Variants in DGKB observed in about 807,000 individuals in gnomAD.
DGKB encodes 90 kDa diacylglycerol kinase.
In DGKB, 67 loss-of-function variants were observed where a neutral mutation model predicts 114.3. The observed-to-expected ratio is 0.59, with a 90% confidence interval of 0.48 to 0.72. DGKB has a LOEUF of 0.72. Ranked by LOEUF, DGKB falls within the 30% of genes least tolerant of loss-of-function variation. The pLI is 0.00. For missense variants in DGKB, 907 were observed against 975.2 expected (o/e 0.93, Z 0.93); for synonymous variants, 398 against 323.1 (o/e 1.23, Z -2.49).
At position 14,146,873 on chromosome 7, in the gene DGKB, GTTTAA is replaced by G. The variant is rs1781532229; in HGVS notation, c.*2253_*2257del. On this transcript the variant is annotated 3_prime_UTR_variant, in exon 26 of 26. Transcript: ENST00000402815. ...ATCATTGAAATCTTATAAGCAGGTT[GTTTAA>G]TTTGTCTCATCCCACTGTCTATCCA... is the stretch of plus-strand genomic sequence containing the variant. 6.6e-6 allele frequency: 1 copy of G among 152,078 alleles called. No individual in the cohort carries two copies. The highest frequency in any genetic ancestry group is 1.5e-5 in the Non-Finnish European group (1 of 67,986). 9.4% of individuals were successfully genotyped at this position (152,078 alleles called of 1,614,324 possible).
intron 20 of DGKB, among the ~76,000 whole-genome samples, chr7:14,558,058 AAC>A (rs1478921775): frequency 6.6e-6 from 1 of 151,002 alleles, no homozygotes; most frequent in Non-Finnish European, 1.5e-5. Flanking sequence ...CTTATCGGGA[AAC>A]ACATCTCCAC....
chr7:14,291,142 C>CAAAAA (rs373171858), intron 23 of DGKB, among the ~76,000 whole-genome samples: 6 of 86,318 alleles, frequency 7.0e-5, no homozygotes, highest in Middle Eastern at 7.2e-3. Flanking sequence ...AACTCCGTCT[C>CAAAAA]AAAAAAAAAA....
In DGKB at chr7:14,170,971, T is replaced by G. The variant is rs142232524; in HGVS notation, c.2304+5868A>C. On this transcript the variant is annotated intron_variant, in intron 25 of 25. Transcript: ENST00000402815. The stretch of plus-strand genomic sequence containing the variant: ...AGTCAGAAAATAGCATCTCATGGAA[T>G]GGGTCACACAGTAGAAGTCTGGGCA... Among the ~76,000 whole-genome samples the G allele has an allele frequency of 2.8e-3, 424 of 152,188 alleles. 2 individuals are homozygous for G. The highest frequency in any genetic ancestry group is 9.9e-3 in the African/African-American group (409 of 41,522).
intron 1 of DGKB, among the ~76,000 whole-genome samples, chr7:14,861,217 A>G (rs1020551303): frequency 6.6e-6 from 1 of 151,984 alleles, no homozygotes; most frequent in African/African-American, 2.4e-5. Flanking sequence ...CATATTCTCT[A>G]AACTTGAGGC....
At chr7:14,312,146 A>G (rs1805491338) in intron 23 of DGKB, among the ~76,000 whole-genome samples, 1 of 152,222 alleles carries the variant, frequency 6.6e-6, no homozygotes, top group Non-Finnish European at 1.5e-5. Context: ...AACAAAAAGA[A>G]TACACTTATA....
At chr7:14,154,100 A>C (rs1393851152) in intron 25 of DGKB, among the ~76,000 whole-genome samples, 1 of 151,906 alleles carries the variant, frequency 6.6e-6, no homozygotes, top group Non-Finnish European at 1.5e-5. Flanking sequence ...GCTAGACAGA[A>C]ACCTAAAGAG....
chr7:14,574,082 G>A, intron 20 of DGKB, 130 bp downstream of exon 20: 1 of 658,564 alleles, frequency 1.5e-6, no homozygotes, highest in Non-Finnish European at 2.5e-6. Context: ...TTGCCTATTA[G>A]AAGAGATGTT....
At chr7:14,316,350 T>C (rs1252738758) in intron 23 of DGKB, among the ~76,000 whole-genome samples, 3 of 134,514 alleles carry the variant, frequency 2.2e-5, no homozygotes, top group African/African-American at 5.8e-5. Flanking sequence ...CAGGAGCTGG[T>C]TTTTTGAAAG....
At chr7:14,499,170 G>A (rs189329119) in intron 20 of DGKB, among the ~76,000 whole-genome samples, 1 of 151,734 alleles carries the variant, frequency 6.6e-6, no homozygotes, top group Admixed American at 6.6e-5. Flanking sequence ...GTAGTAAAAT[G>A]TAGCAAATAG....
chr7:14,260,731 G>A (rs1006643230), intron 23 of DGKB, among the ~76,000 whole-genome samples: 1 of 152,140 alleles, frequency 6.6e-6, no homozygotes, highest in African/African-American at 2.4e-5. Context: ...GGTTTAAGTA[G>A]AGCTACTTAA....
chr7:14,453,480 C>A (rs777621776), intron 21 of DGKB, among the ~76,000 whole-genome samples: 1 of 152,116 alleles, frequency 6.6e-6, no homozygotes, highest in African/African-American at 2.4e-5. Context: ...ATCTCAGTTT[C>A]TCCACCAAGG....
chr7:14,541,122 T>A (rs1166073400), intron 20 of DGKB, among the ~76,000 whole-genome samples: 1 of 151,830 alleles, frequency 6.6e-6, no homozygotes, highest in African/African-American at 2.4e-5. Context: ...TTTTTTTTTC[T>A]AGACACATTC....
chr7:14,642,511 G>T (rs1423556762), intron 13 of DGKB, among the ~76,000 whole-genome samples: 1 of 152,116 alleles, frequency 6.6e-6, no homozygotes. Context: ...TTGCAATATT[G>T]TTTAGGTACT....
chr7:14,226,924 A>T (rs770257854), intron 23 of DGKB, among the ~76,000 whole-genome samples: 3 of 151,988 alleles, frequency 2.0e-5, no homozygotes, highest in African/African-American at 7.2e-5. Context: ...TATCTATTTA[A>T]TGGGGGTCTC....
chr7:14,926,974 G>A (rs557474267), intron 1 of DGKB, among the ~76,000 whole-genome samples: 10 of 151,980 alleles, frequency 6.6e-5, no homozygotes, highest in South Asian at 2.1e-4. Context: ...CTGAGCTTTC[G>A]GTTTTGAAAT....
intron 20 of DGKB, among the ~76,000 whole-genome samples, chr7:14,506,466 C>T (rs979092578): frequency 2.0e-5 from 3 of 152,128 alleles, no homozygotes; most frequent in Admixed American, 6.6e-5. Context: ...TTTCTGTACA[C>T]TGGCAGAGAA....
intron 20 of DGKB, among the ~76,000 whole-genome samples, chr7:14,542,081 T>C (rs1223838731): frequency 1.3e-5 from 2 of 152,150 alleles, no homozygotes; most frequent in East Asian, 3.8e-4. Flanking sequence ...ACACCATTCC[T>C]TTTAAGTGAT....
chr7:14,173,962 T>A (rs1320937661), intron 25 of DGKB, among the ~76,000 whole-genome samples: 2 of 152,192 alleles, frequency 1.3e-5, no homozygotes, highest in Admixed American at 1.3e-4. Flanking sequence ...GAAATGAATG[T>A]CTTATTACTT....
intron 1 of DGKB, among the ~76,000 whole-genome samples, chr7:14,860,859 A>G (rs1048588353): frequency 2.6e-5 from 4 of 151,954 alleles, no homozygotes; most frequent in Admixed American, 2.6e-4. Context: ...TAGAAAATTT[A>G]TAGATTTTGT....
Sources: gnomAD v4.1 joint callset for allele counts (sites outside exome capture counted in the v4.1 genomes callset) on GRCh38, gnomAD v4.1.1 for gene constraint, MANE v1.5 for transcripts, NCBI Gene and HGNC (gene_info 2026-07-23, HGNC 2026-07-21) for gene names.